Variants in ANGPT2 observed in about 807,000 individuals in gnomAD.
ANGPT2 encodes the protein angiopoietin-2.
In ANGPT2, 28 loss-of-function variants were observed where a neutral mutation model predicts 62.9. The ratio of observed to expected loss-of-function variants is 0.44; its 90% CI spans 0.33 to 0.61. The LOEUF (loss-of-function observed/expected upper bound fraction) is 0.61, where lower values mean the gene tolerates loss of function less well. Among genes scored for constraint, ANGPT2 ranks in the 20% least tolerant of loss-of-function variants. ANGPT2 has a pLI of 0.03. For missense variants in ANGPT2, 727 were observed against 594.9 expected (o/e 1.22, Z -2.31); for synonymous variants, 284 against 207.8 (o/e 1.37, Z -3.15).
rs56075253 is a variant in ANGPT2 at position 6,502,606 on chromosome 8, A to T, written c.*495T>A. ...GTAACCCCTTCTCAGAATATCCCTG[A>T]ATATGTCTTTTTATGGCTTAGAGAG... On this transcript the variant is annotated 3_prime_UTR_variant, in exon 9 of 9. Transcript: ENST00000629816. 734 of 152,762 alleles carry T rather than the reference A, an allele frequency of 4.8e-3. 3 individuals are homozygous for T. Among genetic ancestry groups the T allele is most frequent in the Middle Eastern group, 0.014 (4 of 294 alleles). The allele number at this position is 152,762 out of a possible 1,614,324, so 9.5% of individuals were successfully genotyped here.
intron 3 of ANGPT2, among the ~76,000 whole-genome samples, chr8:6,524,491 T>C (rs1329831374): frequency 6.6e-6 from 1 of 152,210 alleles, no homozygotes; most frequent in African/African-American, 2.4e-5. Flanking sequence ...GCACTTACTT[T>C]CCTAGGAACC....
intron 1 of ANGPT2, among the ~76,000 whole-genome samples, chr8:6,540,649 A>C (rs2922874): frequency 6.6e-6 from 1 of 152,180 alleles, no homozygotes; most frequent in Non-Finnish European, 1.5e-5. Flanking sequence ...AGCAGCTTAC[A>C]ATGACAAAAT....
At chr8:6,556,026 A>C (rs1326187620) in intron 1 of ANGPT2, among the ~76,000 whole-genome samples, 1 of 152,136 alleles carries the variant, frequency 6.6e-6, no homozygotes. Flanking sequence ...TTGGTATCTC[A>C]GGCCTGATGC....
intron 1 of ANGPT2, among the ~76,000 whole-genome samples, chr8:6,538,546 G>A (rs1429770493): frequency 2.6e-5 from 4 of 152,114 alleles, no homozygotes; most frequent in South Asian, 4.1e-4. Context: ...ACCTGGGCGC[G>A]CACTGTCCTT....
chr8:6,516,949 C>A (rs1309303364), intron 5 of ANGPT2, among the ~76,000 whole-genome samples: 1 of 152,110 alleles, frequency 6.6e-6, no homozygotes, highest in East Asian at 1.9e-4. Flanking sequence ...CGCTTTGATT[C>A]CATTAGTGAT....
chr8:6,501,450 G>C lies in ANGPT2; in HGVS notation c.*1651C>G, dbSNP rs1812159248. ...TAAAGCTTTACACAAATGTTCATTAGTATTAATTGTACTATGAAAATTTCA... is the reference window on the plus strand; with the variant it reads ...TAAAGCTTTACACAAATGTTCATTACTATTAATTGTACTATGAAAATTTCA... On this transcript the variant is annotated 3_prime_UTR_variant, in exon 9 of 9. Coordinates refer to ENST00000629816, the MANE Select transcript of ANGPT2 (RefSeq NM_001118887.2). The C allele has an allele frequency of 6.6e-6, 1 of 151,782 alleles. No individual in the cohort carries two copies. The highest frequency in any genetic ancestry group is 1.5e-5 in the Non-Finnish European group (1 of 67,968). 9.4% of individuals were successfully genotyped at this position (151,782 alleles called of 1,614,324 possible). A position where few individuals can be genotyped will look rare whatever the true frequency, so the allele number is the denominator to read the frequency against.
chr8:6,511,597 C>G (rs114441052), intron 7 of ANGPT2, among the ~76,000 whole-genome samples: 3 of 152,286 alleles, frequency 2.0e-5, no homozygotes, highest in Non-Finnish European at 4.4e-5. Context: ...CGTCTCAAAG[C>G]ATTTGCAGTT....
At chr8:6,526,990 A>T (rs1310855058) in intron 3 of ANGPT2, among the ~76,000 whole-genome samples, 1 of 152,202 alleles carries the variant, frequency 6.6e-6, no homozygotes, top group East Asian at 1.9e-4. Context: ...AAGAGGAAAC[A>T]TTGGATCATA....
chr8:6,524,774 G>C (rs1818017633), intron 3 of ANGPT2, among the ~76,000 whole-genome samples: 2 of 152,284 alleles, frequency 1.3e-5, no homozygotes, highest in South Asian at 4.2e-4. Context: ...GGCCATGTAA[G>C]GTCTGTAAAT....
At chr8:6,504,879 C>T (rs1812968194) in intron 8 of ANGPT2, among the ~76,000 whole-genome samples, 1 of 152,032 alleles carries the variant, frequency 6.6e-6, no homozygotes, top group Admixed American at 6.6e-5. Context: ...ATTTGCTGGA[C>T]ATCTTGGAAT....
intron 1 of ANGPT2, among the ~76,000 whole-genome samples, chr8:6,542,051 T>G (rs78681283): frequency 0.026 from 3,931 of 150,228 alleles, 117 homozygotes; most frequent in Middle Eastern, 0.069. Flanking sequence ...TGATTACAAA[T>G]AGAAGCAGTT....
chr8:6,563,139 T>A lies in ANGPT2; in HGVS notation c.-205A>T. The A allele has an allele frequency of 2.0e-6, 1 of 502,398 alleles. No individual in the cohort carries two copies. The highest frequency in any genetic ancestry group is 1.9e-5 in the African/African-American group (1 of 52,524). The allele number at this position is 502,398 out of a possible 1,614,324, so 31.1% of individuals were successfully genotyped here. On this transcript the variant is annotated 5_prime_UTR_variant, in exon 1 of 9. Transcript: ENST00000629816. ...TCCAGGCATGCAGTAAACTGTCAGATTGCAGTGGGAAGAACAGTCCTGCTC... is the reference window on the plus strand; with the variant it reads ...TCCAGGCATGCAGTAAACTGTCAGAATGCAGTGGGAAGAACAGTCCTGCTC...
chr8:6,525,814 G>A (rs2515460), intron 3 of ANGPT2, among the ~76,000 whole-genome samples: 1 of 151,964 alleles, frequency 6.6e-6, no homozygotes, highest in Non-Finnish European at 1.5e-5. Context: ...GATTTCTACA[G>A]CTGATGAGAA....
Position 6,514,689 on chromosome 8 carries a change from T to C in ANGPT2, c.1017A>G (p.Lys339=). The C allele has an allele frequency of 6.2e-7, 1 of 1,614,088 alleles. No homozygotes were observed. The highest frequency in any genetic ancestry group is 8.5e-7 in the Non-Finnish European group (1 of 1,179,982). Residue 339 remains lysine, a synonymous_variant, in exon 6 of 9, where the codon AAA becomes AAG. Coordinates refer to ENST00000629816, the MANE Select transcript of ANGPT2 (RefSeq NM_001118887.2). ...DGSVDFQRTW[K]EYKVGFGNPS... ...AGAATGTCCTTACCACTTTATATTC[T>C]TTCCAAGTCCTCTGAAAATCAACGC...
intron 2 of ANGPT2, among the ~76,000 whole-genome samples, chr8:6,528,973 C>T (rs1293724100): frequency 2.0e-5 from 3 of 152,198 alleles, no homozygotes; most frequent in African/African-American, 4.8e-5. Context: ...ATTTGGCCTA[C>T]GTCTTCTTTG....
chr8:6,519,655 C>T (rs1448997469), intron 5 of ANGPT2, among the ~76,000 whole-genome samples: 1 of 152,208 alleles, frequency 6.6e-6, no homozygotes, highest in Non-Finnish European at 1.5e-5. Context: ...CTACATCATT[C>T]ATATGCAGCT....
intron 7 of ANGPT2, among the ~76,000 whole-genome samples, chr8:6,509,964 A>G (rs1814654008): frequency 6.6e-6 from 1 of 152,124 alleles, no homozygotes; most frequent in South Asian, 2.1e-4. Context: ...CTAGCCAGGG[A>G]AAGATCCAAA....
At chr8:6,534,976 GT>G (rs1820228152) in intron 1 of ANGPT2, among the ~76,000 whole-genome samples, 1 of 152,180 alleles carries the variant, frequency 6.6e-6, no homozygotes, top group Non-Finnish European at 1.5e-5. Context: ...CACTGTCTTA[GT>G]TACTCCTCAC....
chr8:6,537,502 C>T (rs535674325), intron 1 of ANGPT2, among the ~76,000 whole-genome samples: 51 of 151,668 alleles, frequency 3.4e-4, no homozygotes, highest in Non-Finnish European at 5.6e-4. Context: ...AACTTGGCAG[C>T]GCATCGAAAC....
Sources: gnomAD v4.1 joint callset for allele counts (sites outside exome capture counted in the v4.1 genomes callset) on GRCh38, gnomAD v4.1.1 for gene constraint, MANE v1.5 for transcripts, NCBI Gene and HGNC (gene_info 2026-07-23, HGNC 2026-07-21) for gene names.